JCHAIN: variants seen among roughly 807,000 people sequenced by gnomAD.
JCHAIN encodes the protein immunoglobulin J chain.
A neutral mutation model predicts 11.1 loss-of-function variants in JCHAIN; 5 were observed. The observed-to-expected ratio is 0.45, with a 90% CI of 0.24 to 0.95. The LOEUF (loss-of-function observed/expected upper bound fraction) is 0.95. JCHAIN is among the 40% of genes least tolerant of loss of function. The probability of loss-of-function intolerance (pLI) is 0.21; values close to 1 mark genes in which losing one functional copy is unlikely to be tolerated. For missense variants in JCHAIN, 165 were observed against 192.7 expected, an observed-to-expected ratio of 0.86 and a Z score of 0.85; for synonymous variants, 51 against 67.8, an observed-to-expected ratio of 0.75 and a Z score of 1.22.
intron 1 of JCHAIN, chr4:70,665,857 T>C: frequency 2.9e-6 from 1 of 341,382 alleles, no homozygotes; most frequent in Admixed American, 3.3e-5. Context: ...TTTAATACTG[T>C]ACCTCTAAAT....
At chr4:70,665,874 T>G (rs1020949656) in intron 1 of JCHAIN, 4 of 340,684 alleles carry the variant, frequency 1.2e-5, no homozygotes, top group African/African-American at 6.6e-5. Context: ...AAATTCAGAA[T>G]GTATTCCATT....
chr4:70,658,545 A>T lies in JCHAIN; in HGVS notation c.189-1254T>A, dbSNP rs571900269. On this transcript the variant is annotated intron_variant, in intron 2 of 3. Transcript: ENST00000254801. ...CTCCCATCTTAACAATAACAGTTCT[A>T]ACATATAATACTGGTTACAGTGTGC... 3.3e-5 allele frequency among the ~76,000 whole-genome samples: 5 copies of T among 152,294 alleles called. 1 individual carries two copies. The South Asian group carries it at 1.0e-3, about 32-fold the overall frequency.
At chr4:70,665,848 T>G (rs1285061988) in intron 1 of JCHAIN, 2 of 316,380 alleles carry the variant, frequency 6.3e-6, no homozygotes, top group African/African-American at 4.4e-5. Flanking sequence ...TGAAAATTAT[T>G]TAATACTGTA....
At chr4:70,658,573 G>GT (rs1738998853) in intron 2 of JCHAIN, among the ~76,000 whole-genome samples, 1 of 152,016 alleles carries the variant, frequency 6.6e-6, no homozygotes, top group Non-Finnish European at 1.5e-5. Context: ...CAGTGTGCCT[G>GT]GTACTATGCT....
At chr4:70,657,761 G>T (rs1052479811) in intron 2 of JCHAIN, among the ~76,000 whole-genome samples, 3 of 152,062 alleles carry the variant, frequency 2.0e-5, no homozygotes, top group Admixed American at 1.3e-4. Flanking sequence ...GCCTAGCTAG[G>T]TATGTGGCAT....
intron 1 of JCHAIN, chr4:70,665,924 A>G: frequency 3.2e-6 from 1 of 316,420 alleles, no homozygotes; most frequent in Non-Finnish European, 6.4e-6. Flanking sequence ...AAAATAACAA[A>G]AGTTCAGTCA....
chr4:70,666,055 A>G (rs1739147242), intron 1 of JCHAIN, among the ~76,000 whole-genome samples: 1 of 152,188 alleles, frequency 6.6e-6, no homozygotes, highest in African/African-American at 2.4e-5. Flanking sequence ...ATAAAATCCC[A>G]ATGCATTCCA....
chr4:70,663,188 T>G (rs28475473), intron 1 of JCHAIN, among the ~76,000 whole-genome samples: 8,936 of 152,150 alleles, frequency 0.059, 895 homozygotes, highest in African/African-American at 0.2. Context: ...CAAAGAGGTC[T>G]GATAAGTTGT....
At chr4:70,666,126 G>A (rs897259836) in intron 1 of JCHAIN, among the ~76,000 whole-genome samples, 1 of 152,040 alleles carries the variant, frequency 6.6e-6, no homozygotes, top group African/African-American at 2.4e-5. Flanking sequence ...GAGACTCAAG[G>A]GAAGGATTAT....
chr4:70,661,102 A>G (rs1001722862), intron 2 of JCHAIN, among the ~76,000 whole-genome samples: 4 of 152,224 alleles, frequency 2.6e-5, no homozygotes, highest in African/African-American at 9.6e-5. Context: ...TACTTTTTCC[A>G]TTGATTGAAT....
chr4:70,662,192 G>C lies in JCHAIN; in HGVS notation c.88C>G (p.Leu30Val). 1 of 1,613,392 alleles carries C rather than the reference G, an allele frequency of 6.2e-7. No individual in the cohort carries two copies. Among genetic ancestry groups the C allele is most frequent in the East Asian group, 2.2e-5 (1 of 44,868 alleles). Residue 30 changes from leucine to valine, a missense_variant, in exon 2 of 4, where the codon CTT (leucine) becomes GTT (valine). Coordinates refer to ENST00000254801, the MANE Select transcript of JCHAIN (RefSeq NM_144646.4). ...GCACACTTACATTTGTTGTCAACAA[G>C]AACAATCCTTTCATCTTCTTGGGCT... ...VKAQEDERIV[L>V]VDNKCKCARI...
chr4:70,658,640 T>C (rs1461184672), intron 2 of JCHAIN, among the ~76,000 whole-genome samples: 1 of 152,188 alleles, frequency 6.6e-6, no homozygotes, highest in African/African-American at 2.4e-5. Flanking sequence ...TTCCTTTTCC[T>C]GGAATGACCT....
intron 1 of JCHAIN, chr4:70,665,946 G>A: frequency 7.0e-6 from 2 of 284,776 alleles, no homozygotes; most frequent in Non-Finnish European, 1.4e-5. Context: ...CAATTTATAG[G>A]CAACCTGTAT....
chr4:70,662,170 C>T lies in JCHAIN; in HGVS notation c.110G>A (p.Cys37Tyr). 1 of 1,613,108 alleles carries T rather than the reference C, an allele frequency of 6.2e-7. No homozygotes were observed. The highest frequency in any genetic ancestry group is 8.5e-7 in the Non-Finnish European group (1 of 1,179,058). The change falls in exon 2 of 4, where the codon TGT (cysteine) becomes TAT (tyrosine). Residue 37 changes from cysteine to tyrosine, a missense_variant. By Grantham distance (194) the Cys-to-Tyr change is radical. Coordinates refer to ENST00000254801, the MANE Select transcript of JCHAIN (RefSeq NM_144646.4). ...GATGATCCTGGAAGTAATCCGGGCA[C>T]ACTTACATTTGTTGTCAACAAGAAC... ...RIVLVDNKCK[C>Y]ARITSRIIRS...
Position 70,657,184 on chromosome 4 carries a change from A to T in JCHAIN, c.269+27T>A, listed in dbSNP as rs753528709. On this transcript the variant is annotated intron_variant, in intron 3 of 3. Coordinates refer to ENST00000254801, the MANE Select transcript of JCHAIN (RefSeq NM_144646.4). ...AAAAGCTATTAACTTCCACATCTAT[A>T]TTACTATGGAAAAAAATATATCTTA... 3 of 1,291,818 alleles carry T rather than the reference A, an allele frequency of 2.3e-6. No homozygotes were observed. In the Middle Eastern group the frequency reaches 5.6e-4, roughly 240 times the overall value. 80.0% of individuals were successfully genotyped at this position (1,291,818 alleles called of 1,614,324 possible). A position where few individuals can be genotyped will look rare whatever the true frequency, so the allele number is the denominator to read the frequency against.
intron 2 of JCHAIN, among the ~76,000 whole-genome samples, chr4:70,660,279 T>C (rs1157441564): frequency 6.6e-6 from 1 of 151,896 alleles, no homozygotes; most frequent in African/African-American, 2.4e-5. Context: ...AGGAGTTAAC[T>C]AGGCTAAGAG....
At chr4:70,662,677 T>C (rs1244628975) in intron 1 of JCHAIN, among the ~76,000 whole-genome samples, 2 of 152,160 alleles carry the variant, frequency 1.3e-5, no homozygotes, top group Admixed American at 6.5e-5. Flanking sequence ...AGAATTATTT[T>C]AAGCAGGGCG....
chr4:70,657,091 G>T, intron 3 of JCHAIN, 120 bp downstream of exon 3: 1 of 521,426 alleles, frequency 1.9e-6, no homozygotes, highest in Non-Finnish European at 3.4e-6. Context: ...CAAAAGTTCA[G>T]ATTATGTTTG....
In JCHAIN at chr4:70,656,388, C is replaced by T. The variant is rs1265989012; in HGVS notation, c.421G>A (p.Gly141Ser). 3 of 1,613,924 alleles carry T rather than the reference C, an allele frequency of 1.9e-6. No homozygotes were observed. The East Asian group carries it at 6.7e-5, about 36-fold the overall frequency. Residue 141 changes from glycine to serine, a missense_variant, in exon 4 of 4, where the codon GGT becomes AGT. Coordinates refer to ENST00000254801, the MANE Select transcript of JCHAIN (RefSeq NM_144646.4). ...CYTAVVPLVY[G>S]GETKMVETAL... The stretch of plus-strand genomic sequence containing the variant: ...GTTTCCACCATTTTGGTCTCACCAC[C>T]ATATACGAGTGGGACCACAGCTGTG...
Sources: gnomAD v4.1 joint callset for allele counts (sites outside exome capture counted in the v4.1 genomes callset) on GRCh38, gnomAD v4.1.1 for gene constraint, MANE v1.5 for transcripts, NCBI Gene and HGNC (gene_info 2026-07-23, HGNC 2026-07-21) for gene names.